ETS1: variants seen among roughly 807,000 people sequenced by gnomAD.
ETS1 encodes the protein ETS proto-oncogene 1, transcription factor, also known as protein C-ets-1.
A neutral mutation model predicts 58.6 loss-of-function variants in ETS1; 15 were observed. The ratio of observed to expected loss-of-function variants is 0.26; its 90% CI spans 0.17 to 0.39. ETS1 has a LOEUF of 0.39. ETS1 is among the 10% of genes least tolerant of loss of function. The pLI is 1.00. For synonymous variants in ETS1, 214 were observed against 218.2 expected, an observed-to-expected ratio of 0.98 and a Z score of 0.17; for missense variants, 417 against 610.5, an observed-to-expected ratio of 0.68 and a Z score of 3.34.
At chr11:128,559,364 G>A (rs1224458825) in intron 2 of ETS1, among the ~76,000 whole-genome samples, 2 of 152,248 alleles carry the variant, frequency 1.3e-5, no homozygotes, top group African/African-American at 4.8e-5. Flanking sequence ...TAACAGGGTA[G>A]CCATATTGTA....
intron 3 of ETS1, among the ~76,000 whole-genome samples, chr11:128,515,689 T>C (rs1414773340): frequency 5.9e-5 from 9 of 152,202 alleles, no homozygotes; most frequent in African/African-American, 2.2e-4. Context: ...CTCAAAGGTA[T>C]CCCAGTTTGG....
Position 128,463,658 on chromosome 11 carries a change from A to G in ETS1, c.1124-31T>C. On this transcript the variant is annotated intron_variant, in intron 8 of 9. Coordinates refer to ENST00000392668, the MANE Select transcript of ETS1 (RefSeq NM_001143820.2). This position sits in a 1 kb window ranked among gnomAD's most constrained non-coding sequence, Gnocchi z 4.1. ...AACACAAGCCATTGTGAATCATTAC[A>G]CCAGATATTCAGCACTCTACGCAGC... is the stretch of plus-strand genomic sequence containing the variant. The G allele has an allele frequency of 8.1e-7, 1 of 1,229,538 alleles. No homozygotes were observed. Among genetic ancestry groups the G allele is most frequent in the Non-Finnish European group, 1.2e-6 (1 of 829,576 alleles). 76.2% of individuals were successfully genotyped at this position (1,229,538 alleles called of 1,614,324 possible).
intron 3 of ETS1, among the ~76,000 whole-genome samples, chr11:128,511,511 T>C (rs1377646617): frequency 2.0e-5 from 3 of 152,148 alleles, no homozygotes; most frequent in African/African-American, 4.8e-5. Context: ...TATATCATAG[T>C]GATCTGTTCA....
At chr11:128,551,664 T>C (rs1041670755) in intron 3 of ETS1, among the ~76,000 whole-genome samples, 4 of 152,194 alleles carry the variant, frequency 2.6e-5, no homozygotes, top group African/African-American at 9.7e-5. Context: ...CTTCCCCTTT[T>C]CCATGTATTT....
intron 3 of ETS1, among the ~76,000 whole-genome samples, chr11:128,547,742 A>C (rs1482631134): frequency 2.0e-5 from 3 of 152,146 alleles, no homozygotes; most frequent in Non-Finnish European, 4.4e-5. Context: ...GGTCATGAGG[A>C]ATCTAACTAG....
At chr11:128,560,899 CTAAGG>C (rs1446202270) in intron 2 of ETS1, among the ~76,000 whole-genome samples, 1 of 151,868 alleles carries the variant, frequency 6.6e-6, no homozygotes, top group East Asian at 1.9e-4. Flanking sequence ...AGGAAGCAGA[CTAAGG>C]TAATAACTGT....
In ETS1 at chr11:128,458,942, CACTT is replaced by C. The variant is rs1452864967; in HGVS notation, c.*3415_*3418del. 1.3e-5 allele frequency: 2 copies of C among 152,502 alleles called. No homozygotes were observed. Among genetic ancestry groups the C allele is most frequent in the Non-Finnish European group, 2.9e-5 (2 of 67,994 alleles). 9.4% of individuals were successfully genotyped at this position (152,502 alleles called of 1,614,324 possible). On this transcript the variant is annotated 3_prime_UTR_variant, in exon 10 of 10. Coordinates refer to ENST00000392668, the MANE Select transcript of ETS1 (RefSeq NM_001143820.2). The surrounding 1 kb of genome is among the most constrained non-coding windows in gnomAD (Gnocchi z 4.3). ...GCATTTTTTTTTAAAAAAACATCGACACTTACATCGCTACATCTCTAAGCTACCT... is the reference window on the plus strand; with the variant it reads ...GCATTTTTTTTTAAAAAAACATCGACACATCGCTACATCTCTAAGCTACCT...
At chr11:128,526,990 C>A (rs1018603331) in intron 3 of ETS1, 13 of 455,554 alleles carry the variant, frequency 2.9e-5, no homozygotes, top group Non-Finnish European at 5.7e-5. Flanking sequence ...GATAGCAGTT[C>A]TCTCCCTGGC....
chr11:128,533,140 C>T (rs1863924627), intron 3 of ETS1, among the ~76,000 whole-genome samples: 2 of 152,168 alleles, frequency 1.3e-5, no homozygotes. Context: ...AAAGCCCAGA[C>T]GCTAGTCACC....
intron 2 of ETS1, among the ~76,000 whole-genome samples, chr11:128,564,742 C>A (rs563047133): frequency 4.1e-4 from 63 of 152,192 alleles, no homozygotes; most frequent in African/African-American, 1.5e-3. Flanking sequence ...TAGCATGAAG[C>A]CTTCAGAAGC....
chr11:128,509,667 G>C (rs544028737), intron 3 of ETS1, among the ~76,000 whole-genome samples: 1 of 148,896 alleles, frequency 6.7e-6, no homozygotes, highest in African/African-American at 2.5e-5. Flanking sequence ...GCCTGACAGA[G>C]AACACATCAC....
chr11:128,576,259 C>T (rs991044340), intron 1 of ETS1, among the ~76,000 whole-genome samples: 6 of 152,154 alleles, frequency 3.9e-5, no homozygotes, highest in Admixed American at 6.5e-5. Context: ...CGCCCTTTTT[C>T]CACTTGTAGA....
intron 1 of ETS1, among the ~76,000 whole-genome samples, chr11:128,575,070 A>T (rs141999392): frequency 6.6e-6 from 1 of 152,216 alleles, no homozygotes; most frequent in African/African-American, 2.4e-5. Flanking sequence ...GTCCTCACAG[A>T]CCTCAGTTAC....
At chr11:128,585,186 GAAGGAAGGAAA>G (rs1217039634) in intron 1 of ETS1, among the ~76,000 whole-genome samples, 1 of 19,546 alleles carries the variant, frequency 5.1e-5, no homozygotes, top group Admixed American at 5.5e-4. Flanking sequence ...AAGAAAGAAA[GAAGGAAGGAAA>G]GAAAGAAAGA....
intron 3 of ETS1, among the ~76,000 whole-genome samples, chr11:128,520,636 G>C (rs117836275): frequency 6.6e-6 from 1 of 152,282 alleles, no homozygotes; most frequent in East Asian, 1.9e-4. Context: ...TCTCAGCATT[G>C]CTCCCACCAC....
intron 3 of ETS1, among the ~76,000 whole-genome samples, chr11:128,500,873 A>G (rs1863071220): frequency 1.3e-5 from 2 of 152,154 alleles, no homozygotes; most frequent in African/African-American, 4.8e-5. Context: ...AACGACCACC[A>G]TACTTCCCCA....
chr11:128,528,031 G>A (rs115426554), intron 3 of ETS1, among the ~76,000 whole-genome samples: 2,032 of 152,302 alleles, frequency 0.013, 55 homozygotes, highest in African/African-American at 0.046. Context: ...GAAAAGGGAC[G>A]GTGGTACAGG....
intron 3 of ETS1, among the ~76,000 whole-genome samples, chr11:128,529,265 C>T (rs1447691490): frequency 6.6e-6 from 1 of 152,120 alleles, no homozygotes; most frequent in Non-Finnish European, 1.5e-5. Flanking sequence ...TCCAGAAGCA[C>T]TGTATTTTGA....
intron 1 of ETS1, among the ~76,000 whole-genome samples, chr11:128,584,796 T>C (rs1201279168): frequency 6.7e-6 from 1 of 150,144 alleles, no homozygotes; most frequent in Non-Finnish European, 1.5e-5. Context: ...GCATACCACA[T>C]TAATTTTGCT....
Sources: allele counts gnomAD v4.1 joint callset (sites outside exome capture counted in the v4.1 genomes callset), GRCh38; gene constraint gnomAD v4.1.1; non-coding constraint Gnocchi (gnomAD v3.1); transcripts MANE v1.5; gene names NCBI Gene and HGNC (gene_info 2026-07-23, HGNC 2026-07-21).